Variants in XKR9 observed in about 807,000 individuals in gnomAD.
XKR9 encodes the protein XK related 9, also known as XK-related protein 9.
In XKR9, 32 loss-of-function variants were observed where a neutral mutation model predicts 32.0. The observed-to-expected ratio is 1.00, with a 90% CI of 0.76 to 1.34. The LOEUF (loss-of-function observed/expected upper bound fraction) is 1.34. Ranked by LOEUF, XKR9 falls within the 40% of genes most tolerant of loss-of-function variation. XKR9 has a pLI of 0.00. For synonymous variants in XKR9, 168 were observed against 143.4 expected (o/e 1.17, Z -1.22); for missense variants, 546 against 429.7 (o/e 1.27, Z -2.39).
the XKR9 span, among the ~76,000 whole-genome samples, chr8:70,962,531 G>A: frequency 1.8e-4 from 28 of 152,068 alleles, no homozygotes; most frequent in African/African-American, 6.5e-4. Context: ...TGCTGCAAAG[G>A]GCATAATTTT....
the XKR9 span, among the ~76,000 whole-genome samples, chr8:70,941,527 A>T: frequency 2.6e-5 from 4 of 152,052 alleles, no homozygotes; most frequent in African/African-American, 9.7e-5. Flanking sequence ...TGAAGAGGGG[A>T]ATGAATTTCC....
chr8:70,694,225 G>T (rs923129482), intron 3 of XKR9, among the ~76,000 whole-genome samples: 1 of 152,238 alleles, frequency 6.6e-6, no homozygotes, highest in East Asian at 1.9e-4. Context: ...GTCCCACCCA[G>T]TGAGCAGGAA....
the XKR9 span, among the ~76,000 whole-genome samples, chr8:71,048,503 G>A: frequency 2.0e-5 from 3 of 152,028 alleles, no homozygotes; most frequent in Non-Finnish European, 4.4e-5. Flanking sequence ...CCTTCTAATG[G>A]ATCTATTGTT....
intron 4 of XKR9, among the ~76,000 whole-genome samples, chr8:70,707,657 A>C (rs549034836): frequency 6.6e-6 from 1 of 152,164 alleles, no homozygotes; most frequent in South Asian, 2.1e-4. Context: ...GAGTAATCTT[A>C]TGCATAAATC....
At chr8:70,703,659 C>G (rs1216532577) in intron 3 of XKR9, among the ~76,000 whole-genome samples, 3 of 152,106 alleles carry the variant, frequency 2.0e-5, no homozygotes, top group Non-Finnish European at 4.4e-5. Flanking sequence ...GTTCACCAAT[C>G]CTACTTTTGT....
chr8:70,720,226 C>T (rs1806230908), intron 4 of XKR9, among the ~76,000 whole-genome samples: 1 of 152,124 alleles, frequency 6.6e-6, no homozygotes, highest in Non-Finnish European at 1.5e-5. Flanking sequence ...TCTAAATATA[C>T]AATCATGTCA....
the XKR9 span, among the ~76,000 whole-genome samples, chr8:70,929,487 C>A: frequency 6.6e-6 from 1 of 152,148 alleles, no homozygotes; most frequent in Non-Finnish European, 1.5e-5. Context: ...GAATTCTCTG[C>A]TTAGAGCCTT....
At chr8:70,783,544 G>GT (rs919946085) in intron 2 of XKR9, among the ~76,000 whole-genome samples, 1 of 152,000 alleles carries the variant, frequency 6.6e-6, no homozygotes, top group Non-Finnish European at 1.5e-5. Context: ...TTTTAACTGA[G>GT]TTTTTTGTTT....
the XKR9 span, among the ~76,000 whole-genome samples, chr8:70,828,325 A>G: frequency 6.6e-6 from 1 of 152,188 alleles, no homozygotes; most frequent in Non-Finnish European, 1.5e-5. Flanking sequence ...GTCCCATGTA[A>G]ACTTAGATTT....
At chr8:70,869,590 G>A in the XKR9 span, among the ~76,000 whole-genome samples, 1 of 152,178 alleles carries the variant, frequency 6.6e-6, no homozygotes, top group Non-Finnish European at 1.5e-5. Context: ...TGAGGACACA[G>A]CCAAATCATA....
the XKR9 span, among the ~76,000 whole-genome samples, chr8:70,993,843 G>C: frequency 3.3e-5 from 5 of 152,164 alleles, no homozygotes; most frequent in Middle Eastern, 3.4e-3. Context: ...TGTATGTTTG[G>C]GGGGTGGCCT....
chr8:70,727,966 C>T (rs1326939286), intron 4 of XKR9, among the ~76,000 whole-genome samples: 1 of 152,108 alleles, frequency 6.6e-6, no homozygotes, highest in East Asian at 1.9e-4. Flanking sequence ...TAGCTTTCAG[C>T]TGCATGACTC....
At chr8:71,019,321 C>T in the XKR9 span, among the ~76,000 whole-genome samples, 1 of 152,176 alleles carries the variant, frequency 6.6e-6, no homozygotes, top group Non-Finnish European at 1.5e-5. Context: ...AAAGAGCCTG[C>T]AATGGAACAG....
chr8:71,050,881 CT>C, the XKR9 span, among the ~76,000 whole-genome samples: 1 of 152,090 alleles, frequency 6.6e-6, no homozygotes, highest in Non-Finnish European at 1.5e-5. Context: ...AATGTCAGTG[CT>C]TTTTGAACAG....
chr8:70,803,293 C>A, the XKR9 span, among the ~76,000 whole-genome samples: 1 of 152,120 alleles, frequency 6.6e-6, no homozygotes, highest in African/African-American at 2.4e-5. Context: ...TAGCTCAGTT[C>A]AGGTTGGCTC....
At chr8:70,732,648 C>T (rs1563456546) in intron 4 of XKR9, among the ~76,000 whole-genome samples, 1 of 152,200 alleles carries the variant, frequency 6.6e-6, no homozygotes, top group Non-Finnish European at 1.5e-5. Context: ...GCCTTCTGTG[C>T]AGGAGACTGG....
chr8:70,927,065 T>G, the XKR9 span, among the ~76,000 whole-genome samples: 4 of 151,776 alleles, frequency 2.6e-5, no homozygotes, highest in East Asian at 7.7e-4. Context: ...TTTTATAAAA[T>G]GTATCTTATA....
At chr8:70,849,388 G>A in the XKR9 span, among the ~76,000 whole-genome samples, 1 of 152,080 alleles carries the variant, frequency 6.6e-6, no homozygotes, top group East Asian at 1.9e-4. Flanking sequence ...CAAAATTAAG[G>A]CAGACATAAA....
chr8:70,966,328 A>G, the XKR9 span, among the ~76,000 whole-genome samples: 5 of 151,940 alleles, frequency 3.3e-5, no homozygotes, highest in Non-Finnish European at 7.4e-5. Flanking sequence ...GGCTCACTAC[A>G]ACTTCTGCGT....
Sources: gnomAD v4.1 joint callset for allele counts (sites outside exome capture counted in the v4.1 genomes callset) on GRCh38, gnomAD v4.1.1 for gene constraint, MANE v1.5 for transcripts, NCBI Gene and HGNC (gene_info 2026-07-23, HGNC 2026-07-21) for gene names.